PRELID2: variants seen among roughly 807,000 people sequenced by gnomAD.
PRELID2 encodes the protein PRELI domain-containing protein 2.
Under a neutral mutation model 28.4 loss-of-function variants are expected in PRELID2, and 25 were observed. That is an observed-to-expected ratio of 0.88 (90% CI 0.64 to 1.23). PRELID2 has a LOEUF of 1.23. Ranked by LOEUF, PRELID2 falls within the 50% of genes most tolerant of loss-of-function variation. The pLI is 0.00. For synonymous variants in PRELID2, 76 were observed against 71.6 expected (o/e 1.06, Z -0.31); for missense variants, 201 against 214.4 (o/e 0.94, Z 0.39).
At chr5:145,770,409 A>G (rs569983953) in intron 5 of PRELID2, among the ~76,000 whole-genome samples, 2 of 152,186 alleles carry the variant, frequency 1.3e-5, no homozygotes, top group East Asian at 3.9e-4. Flanking sequence ...AGTCTTACCT[A>G]CTTAGGATCA....
intron 1 of PRELID2, among the ~76,000 whole-genome samples, chr5:145,605,352 C>T (rs1029794066): frequency 1.1e-4 from 17 of 151,902 alleles, no homozygotes; most frequent in African/African-American, 2.4e-4. Context: ...TTTTTGTATA[C>T]GGTGTAAGGA....
At chr5:145,594,836 G>A (rs1007959862) in intron 1 of PRELID2, among the ~76,000 whole-genome samples, 1 of 152,032 alleles carries the variant, frequency 6.6e-6, no homozygotes, top group Non-Finnish European at 1.5e-5. Context: ...TTTAAGAAGA[G>A]TCATAATAGA....
In PRELID2 at chr5:145,791,762, C is replaced by A. The variant is rs529182386; in HGVS notation, c.474+4680G>T. On this transcript the variant is annotated intron_variant, in intron 5 of 6. Transcript: ENST00000683046. ...ACGTATATTTTGCCACAATAAAAAA[C>A]AAACTTTTAATATTATTTTTAATAC... Among the ~76,000 whole-genome samples the A allele has an allele frequency of 5.1e-4, 78 of 152,252 alleles. 1 individual carries two copies. Among genetic ancestry groups the A allele is most frequent in the Admixed American group, 1.9e-3 (29 of 15,282 alleles).
At chr5:145,766,734 A>G (rs1296155748) in intron 5 of PRELID2, among the ~76,000 whole-genome samples, 1 of 152,166 alleles carries the variant, frequency 6.6e-6, no homozygotes, top group Non-Finnish European at 1.5e-5. Context: ...AGCTCCACCA[A>G]TCATTCTGCT....
chr5:145,659,199 T>C (rs183735371), intron 1 of PRELID2, among the ~76,000 whole-genome samples: 2 of 152,286 alleles, frequency 1.3e-5, no homozygotes, highest in Admixed American at 1.3e-4. Flanking sequence ...CATACTGTTA[T>C]TCTCTAGATC....
rs78212256 is a variant in PRELID2, at chr5:145,547,286, T to C, written n.71-73971A>G. Among the ~76,000 whole-genome samples the C allele has an allele frequency of 1.3e-3, 198 of 152,278 alleles. 5 individuals carry two copies. In the East Asian group the frequency reaches 0.035, roughly 27 times the overall value. ...CAGTGGCACAGCTTTTCTGTTATTA[T>C]AGATCACAAAATGTAAGATCTGAAT... On this transcript the variant is annotated intron_variant and non_coding_transcript_variant, in intron 1 of 2. Coordinates refer to the PRELID2 transcript ENST00000510259.
chr5:145,382,610 T>G, the PRELID2 span, among the ~76,000 whole-genome samples: 1 of 152,150 alleles, frequency 6.6e-6, no homozygotes, highest in Admixed American at 6.5e-5. Flanking sequence ...ATCCAGCATT[T>G]TTTCTAGCAA....
chr5:145,695,435 C>T (rs1755239525), intron 1 of PRELID2, among the ~76,000 whole-genome samples: 2 of 152,162 alleles, frequency 1.3e-5, no homozygotes, highest in Non-Finnish European at 1.5e-5. Flanking sequence ...TAGAGAGAAG[C>T]CAGCTAATGC....
intron 5 of PRELID2, chr5:145,794,961 G>A (rs1385973674): frequency 1.3e-5 from 2 of 152,028 alleles, no homozygotes; most frequent in African/African-American, 4.8e-5. Context: ...TTTTATAAAT[G>A]AACATTTGCA....
chr5:145,699,208 C>A (rs968319600), intron 1 of PRELID2, among the ~76,000 whole-genome samples: 1 of 152,080 alleles, frequency 6.6e-6, no homozygotes, highest in African/African-American at 2.4e-5. Flanking sequence ...GGGTAAGAGA[C>A]ATCTGAGATG....
In PRELID2 at chr5:145,792,140, C is replaced by T. The variant is rs115046810; in HGVS notation, c.474+4302G>A. Among the ~76,000 whole-genome samples the T allele has an allele frequency of 4.6e-3, 697 of 152,230 alleles. 7 individuals are homozygous for T. Among genetic ancestry groups the T allele is most frequent in the African/African-American group, 0.014 (583 of 41,550 alleles). On this transcript the variant is annotated intron_variant, in intron 5 of 6. Transcript: ENST00000683046. ...TATCAAGAACACCCAGCTTGCCCCACGCAAGTGGCTTAAGTGCACAGATCA... is the reference window on the plus strand; with the variant it reads ...TATCAAGAACACCCAGCTTGCCCCATGCAAGTGGCTTAAGTGCACAGATCA...
At chr5:145,595,686 G>A (rs1349275023) in intron 1 of PRELID2, among the ~76,000 whole-genome samples, 1 of 152,082 alleles carries the variant, frequency 6.6e-6, no homozygotes, top group Non-Finnish European at 1.5e-5. Context: ...CCCCTCCAGA[G>A]TAGACTGTAA....
chr5:145,408,104 C>T, the PRELID2 span, among the ~76,000 whole-genome samples: 1 of 151,860 alleles, frequency 6.6e-6, no homozygotes, highest in African/African-American at 2.4e-5. Context: ...AGAAAGAGAG[C>T]ACCACATTGA....
At chr5:145,456,046 T>G in the PRELID2 span, among the ~76,000 whole-genome samples, 1 of 152,188 alleles carries the variant, frequency 6.6e-6, no homozygotes, top group East Asian at 1.9e-4. Context: ...CTTACCTTGG[T>G]CTCAAGGTTC....
At chr5:145,654,676 A>G (rs2149673439) in intron 1 of PRELID2, among the ~76,000 whole-genome samples, 1 of 152,304 alleles carries the variant, frequency 6.6e-6, no homozygotes, top group Middle Eastern at 3.4e-3. Flanking sequence ...GATGCAGAAA[A>G]GGCCTTTGAC....
the PRELID2 span, among the ~76,000 whole-genome samples, chr5:145,443,964 C>T: frequency 1.1e-4 from 16 of 152,046 alleles, no homozygotes; most frequent in Non-Finnish European, 2.9e-5. Context: ...TCAGGTAGCA[C>T]ATTTATTATG....
intron 1 of PRELID2, among the ~76,000 whole-genome samples, chr5:145,548,300 G>A (rs1041262444): frequency 1.3e-5 from 2 of 151,862 alleles, no homozygotes; most frequent in African/African-American, 4.8e-5. Context: ...CTGTTCCCTG[G>A]GCTTAATTAG....
intron 1 of PRELID2, among the ~76,000 whole-genome samples, chr5:145,479,587 T>G (rs2126615423): frequency 6.6e-6 from 1 of 152,354 alleles, no homozygotes; most frequent in African/African-American, 2.4e-5. Context: ...CAGTGTTTTC[T>G]TGTTCATTAC....
At chr5:145,371,615 G>A in the PRELID2 span, among the ~76,000 whole-genome samples, 2 of 151,928 alleles carry the variant, frequency 1.3e-5, no homozygotes, top group African/African-American at 4.8e-5. Flanking sequence ...TCAGGATGAC[G>A]CTGGCTTCAT....
Sources: gnomAD v4.1 joint callset for allele counts (sites outside exome capture counted in the v4.1 genomes callset) on GRCh38, gnomAD v4.1.1 for gene constraint, MANE v1.5 for transcripts, NCBI Gene and HGNC (gene_info 2026-07-23, HGNC 2026-07-21) for gene names.